Variants in PDE2A observed in about 807,000 individuals in gnomAD.
PDE2A encodes the protein phosphodiesterase 2A, also known as cGMP-dependent 3',5'-cyclic phosphodiesterase.
Under a neutral mutation model 133.6 loss-of-function variants are expected in PDE2A, and 53 were observed. The observed-to-expected ratio is 0.40, with a 90% CI of 0.32 to 0.50. The LOEUF is 0.50. Among genes scored for constraint, PDE2A ranks in the 20% least tolerant of loss-of-function variants. The pLI, the probability that PDE2A is intolerant of heterozygous loss-of-function variation, is 0.73. For missense variants in PDE2A, 796 were observed against 1,232.4 expected (o/e 0.65, Z 5.30); for synonymous variants, 491 against 490.2 (o/e 1.00, Z -0.02).
Position 72,590,529 on chromosome 11 carries a change from C to T in PDE2A, c.601G>A (p.Glu201Lys). 1 of 1,452,534 alleles carries T rather than the reference C, an allele frequency of 6.9e-7. No homozygotes were observed. The highest frequency in any genetic ancestry group is 9.0e-7 in the Non-Finnish European group (1 of 1,108,752). 90.0% of individuals were successfully genotyped at this position (1,452,534 alleles called of 1,614,324 possible). ...GGGTTCTGGACGGCTCGGGGAGCCT[C>T]CCTGGGCCCGCGCTGCTGCAGGACC... is the stretch of plus-strand genomic sequence containing the variant. ...VQVLQQRGPR[E>K]APRAVQNPPE... Residue 201 changes from glutamate (E) to lysine (K), a missense_variant, in exon 8 of 31, where the codon GAG becomes AAG. Glu to Lys is a moderately conservative substitution (Grantham distance 56). Transcript: ENST00000334456. This position sits in a 1 kb window ranked among gnomAD's most constrained non-coding sequence, Gnocchi z 4.8.
At position 72,584,227 on chromosome 11, in the gene PDE2A, T is replaced by C. The variant is rs1353037036; in HGVS notation, c.1624A>G (p.Ile542Val). 1 of 1,604,586 alleles carries C rather than the reference T, an allele frequency of 6.2e-7. No homozygotes were observed. Among genetic ancestry groups the C allele is most frequent in the Non-Finnish European group, 8.5e-7 (1 of 1,175,128 alleles). ...FDEDLATAFSIYCGISIAHSL... is the reference protein window; with the variant it reads ...FDEDLATAFSVYCGISIAHSL... Reference sequence around the variant, plus strand: ...TGGGCGATGCTGATGCCGCAGTAGATGGAGAAGGCCGTCGCCAGGTCCTCG... The same window carrying C: ...TGGGCGATGCTGATGCCGCAGTAGACGGAGAAGGCCGTCGCCAGGTCCTCG... Residue 542 changes from isoleucine to valine, a missense_variant, in exon 19 of 31, where the codon ATC becomes GTC. Physicochemically the swap from Ile to Val is conservative, Grantham distance 29 (BLOSUM62 3). Transcript: ENST00000334456.
In PDE2A at chr11:72,668,245, G is replaced by C. The variant is rs1855294033; in HGVS notation, c.71+5892C>G. ...ACAGTAATGTATGGAAAGAGCAGGA[G>C]CTCTGGAAGCAGACAGATTTGTGCC... On this transcript the variant is annotated intron_variant, in intron 1 of 30. Transcript: ENST00000334456. 6 of 717,526 alleles carry C rather than the reference G, an allele frequency of 8.4e-6. No individual in the cohort carries two copies. The South Asian group carries it at 8.9e-5, about 11-fold the overall frequency. 44.4% of individuals were successfully genotyped at this position (717,526 alleles called of 1,614,324 possible).
At position 72,577,114 on chromosome 11, in the gene PDE2A, G is replaced by C. The variant is rs1398378413; in HGVS notation, c.*270C>G. ...AATGGCTTGGGAAAGACTTGCCAAG[G>C]TGTGGTCAGAGGTGCAGAGTAGGGC... On this transcript the variant is annotated 3_prime_UTR_variant, in exon 31 of 31. Transcript: ENST00000334456. The C allele has an allele frequency of 2.5e-5, 10 of 406,770 alleles. No individual in the cohort carries two copies. Among genetic ancestry groups the C allele is most frequent in the Non-Finnish European group, 4.0e-5 (9 of 226,904 alleles). The allele number at this position is 406,770 out of a possible 1,614,324, so 25.2% of individuals were successfully genotyped here. A position where few individuals can be genotyped will look rare whatever the true frequency, so the allele number is the denominator to read the frequency against.
chr11:72,657,249 G>A (rs1237020115), intron 1 of PDE2A, among the ~76,000 whole-genome samples: 1 of 152,186 alleles, frequency 6.6e-6, no homozygotes, highest in Non-Finnish European at 1.5e-5. Flanking sequence ...GGTGAGGGCT[G>A]AGCCTGGCTT....
At chr11:72,658,773 C>T (rs1854969593) in intron 1 of PDE2A, among the ~76,000 whole-genome samples, 1 of 152,192 alleles carries the variant, frequency 6.6e-6, no homozygotes, top group Admixed American at 6.5e-5. Flanking sequence ...ATGAATGAAG[C>T]TTGAGATACA....
intron 1 of PDE2A, chr11:72,643,302 C>A (rs1329133907): frequency 1.3e-5 from 2 of 152,228 alleles, no homozygotes; most frequent in East Asian, 3.9e-4. Flanking sequence ...AGCTCCCTGC[C>A]CGGACCGACC....
intron 12 of PDE2A, 22 bp downstream of exon 12, chr11:72,589,153 G>T (rs757465325): frequency 6.2e-7 from 1 of 1,604,352 alleles, no homozygotes; most frequent in Admixed American, 1.7e-5. Flanking sequence ...TTCCCCTCTG[G>T]GTCAGCCAGG....
chr11:72,632,816 C>T (rs79317752), intron 2 of PDE2A, among the ~76,000 whole-genome samples: 1 of 151,750 alleles, frequency 6.6e-6, no homozygotes, highest in Admixed American at 6.5e-5. Context: ...TCCCTCCCCC[C>T]AGCAGAGGCA....
In PDE2A at chr11:72,584,733, C is replaced by A. The variant is rs1391252334; in HGVS notation, c.1360-5G>T. On this transcript the variant is annotated splice_polypyrimidine_tract_variant and splice_region_variant and intron_variant, in intron 17 of 30. Coordinates refer to ENST00000334456, the MANE Select transcript of PDE2A (RefSeq NM_002599.5). ...CGGGATGCGGATCTCATAGCTCTGC[C>A]GGAGCAGAGATGGAGTCGAGAGGAA... 2.3e-5 allele frequency: 37 copies of A among 1,612,902 alleles called. No individual in the cohort carries two copies. In the Admixed American group the frequency reaches 6.2e-4, roughly 27 times the overall value.
chr11:72,583,712 T>C (rs1437163850), intron 19 of PDE2A, 197 bp from the exon 20 acceptor site: 3 of 591,232 alleles, frequency 5.1e-6, no homozygotes, highest in Non-Finnish European at 9.1e-6. Context: ...TTCCTCCTCA[T>C]CAAGTTCTCC....
chr11:72,640,645 G>T (rs147522912), intron 2 of PDE2A, among the ~76,000 whole-genome samples: 3 of 152,064 alleles, frequency 2.0e-5, no homozygotes, highest in Non-Finnish European at 4.4e-5. Flanking sequence ...TGGCACACAC[G>T]GCACCCCCTG....
intron 6 of PDE2A, among the ~76,000 whole-genome samples, chr11:72,594,147 T>C (rs1333476004): frequency 6.6e-6 from 1 of 152,176 alleles, no homozygotes; most frequent in East Asian, 1.9e-4. Context: ...ATGCCTGACA[T>C]ACAGTGGGTA....
rs776965233 is a variant in PDE2A, at chr11:72,585,368, C to T, written c.1286+3G>A. On this transcript the variant is annotated splice_donor_region_variant and intron_variant, in intron 16 of 30. Transcript: ENST00000334456. ...GCCCTGTCCCCTGGGTAGAGTCACT[C>T]ACATCTCTGCGTTGCTGAGGTTTCT... is the stretch of plus-strand genomic sequence containing the variant. 1 of 1,613,206 alleles carries T rather than the reference C, an allele frequency of 6.2e-7. No individual in the cohort carries two copies. Among genetic ancestry groups the T allele is most frequent in the East Asian group, 2.2e-5 (1 of 44,874 alleles).
At position 72,674,280 on chromosome 11, in the gene PDE2A, G is replaced by T; in HGVS notation, c.-73C>A. 6.8e-7 allele frequency: 1 copy of T among 1,475,988 alleles called. No individual in the cohort carries two copies. The highest frequency in any genetic ancestry group is 9.2e-7 in the Non-Finnish European group (1 of 1,087,688). The allele number at this position is 1,475,988 out of a possible 1,614,324, so 91.4% of individuals were successfully genotyped here. On this transcript the variant is annotated 5_prime_UTR_variant, in exon 1 of 31. Transcript: ENST00000334456. ...CCTGTCCCCGCTGCCTGGAGTTCAG[G>T]GCAGGGCACCCCCAGCAGGCACAGG... is the stretch of plus-strand genomic sequence containing the variant.
chr11:72,642,479 C>T, intron 1 of PDE2A, 153 bp from the exon 2 acceptor site: 1 of 794,640 alleles, frequency 1.3e-6, no homozygotes, highest in Non-Finnish European at 1.5e-6. Flanking sequence ...CGGCCCCGCC[C>T]CGGCCCGCCC....
rs187328302 is a variant in PDE2A at position 72,577,022 on chromosome 11, G to A, written c.*362C>T. 508 of 215,666 alleles carry A rather than the reference G, an allele frequency of 2.4e-3. 3 individuals carry two copies. The Middle Eastern group carries it at 0.04, about 17-fold the overall frequency. 13.4% of individuals were successfully genotyped at this position (215,666 alleles called of 1,614,324 possible). A position where few individuals can be genotyped will look rare whatever the true frequency, so the allele number is the denominator to read the frequency against. On this transcript the variant is annotated 3_prime_UTR_variant, in exon 31 of 31. Coordinates refer to ENST00000334456, the MANE Select transcript of PDE2A (RefSeq NM_002599.5). ...CCCAAAGGGTGGGAGTCCTCAAAGG[G>A]AAAGGAGCAAAGATCTGGTGGGGCA... is the stretch of plus-strand genomic sequence containing the variant.
intron 2 of PDE2A, among the ~76,000 whole-genome samples, chr11:72,627,458 TAGGTGGAGAAAGAAAGGAAAGGTATTC>T (rs1858139892): frequency 1.3e-5 from 2 of 150,372 alleles, no homozygotes; most frequent in Non-Finnish European, 3.0e-5. Context: ...GAAAAGAGAG[TAGGTGGAGAAAGAAAGGAAAGGTATTC>T]CAGACAGGTG....
intron 1 of PDE2A, among the ~76,000 whole-genome samples, chr11:72,666,144 G>A (rs1855227288): frequency 6.6e-6 from 1 of 152,136 alleles, no homozygotes; most frequent in Non-Finnish European, 1.5e-5. Flanking sequence ...ATAGCCAGGT[G>A]CAGGAGGTGG....
In PDE2A at chr11:72,577,300, C is replaced by G. The variant is rs1331668248; in HGVS notation, c.*84G>C. The stretch of plus-strand genomic sequence containing the variant: ...AAGTCCTGGTCTAGGACCCAGGACC[C>G]GTGGCTCTGTTCCCAGTGCATCTGG... On this transcript the variant is annotated 3_prime_UTR_variant, in exon 31 of 31. Coordinates refer to ENST00000334456, the MANE Select transcript of PDE2A (RefSeq NM_002599.5). 7 of 1,025,588 alleles carry G rather than the reference C, an allele frequency of 6.8e-6. No individual in the cohort carries two copies. The highest frequency in any genetic ancestry group is 1.0e-5 in the Non-Finnish European group (7 of 681,618). The allele number at this position is 1,025,588 out of a possible 1,614,324, so 63.5% of individuals were successfully genotyped here.
Sources: allele counts gnomAD v4.1 joint callset (sites outside exome capture counted in the v4.1 genomes callset), GRCh38; gene constraint gnomAD v4.1.1; non-coding constraint Gnocchi (gnomAD v3.1); transcripts MANE v1.5; gene names NCBI Gene and HGNC (gene_info 2026-07-23, HGNC 2026-07-21).